MIB2: variants seen among roughly 807,000 people sequenced by gnomAD.
The protein encoded by MIB2 is MIB E3 ubiquitin protein ligase 2.
In MIB2, 78 loss-of-function variants were observed where a neutral mutation model predicts 96.6. The ratio of observed to expected loss-of-function variants is 0.81; its 90% CI spans 0.67 to 0.97. The LOEUF is 0.97. MIB2 is among the 50% of genes least tolerant of loss of function. The pLI, the probability that MIB2 is intolerant of heterozygous loss-of-function variation, is 0.00. For missense variants in MIB2, 1,543 were observed against 1,424.0 expected, an observed-to-expected ratio of 1.08 and a Z score of -1.35; for synonymous variants, 820 against 629.5, an observed-to-expected ratio of 1.30 and a Z score of -4.53.
chr1:1,621,152 C>A (rs980874546), intron 2 of MIB2, among the ~76,000 whole-genome samples: 1 of 152,236 alleles, frequency 6.6e-6, no homozygotes, highest in Non-Finnish European at 1.5e-5. Flanking sequence ...AAACAGGACG[C>A]AGCAGTGCAC....
rs1235175965 is a variant in MIB2 at position 1,629,265 on chromosome 1, G to C, written c.2335G>C (p.Glu779Gln). ...TCGGAGCCCGCTGGACCTGGCCGCCGAGGGTCGCGTGCTCAAGGCCCTTCA... is the reference window on the plus strand; with the variant it reads ...TCGGAGCCCGCTGGACCTGGCCGCCCAGGGTCGCGTGCTCAAGGCCCTTCA... ...RGRSPLDLAAEGRVLKALQGC... is the reference protein window; with the variant it reads ...RGRSPLDLAAQGRVLKALQGC... The change falls in exon 17 of 20, where the codon GAG becomes CAG. Residue 779 changes from glutamate (E) to glutamine (Q), a missense_variant. Coordinates refer to ENST00000355826, the MANE Select transcript of MIB2 (RefSeq NM_001170687.4). 6.5e-7 allele frequency: 1 copy of C among 1,544,764 alleles called. No homozygotes were observed. Among genetic ancestry groups the C allele is most frequent in the Non-Finnish European group, 8.6e-7 (1 of 1,157,176 alleles).
chr1:1,625,830 G>C lies in MIB2; in HGVS notation c.972+177G>C. On this transcript the variant is annotated intron_variant, in intron 8 of 19. Coordinates refer to ENST00000355826, the MANE Select transcript of MIB2 (RefSeq NM_001170687.4). This position sits in a 1 kb window ranked among gnomAD's most constrained non-coding sequence, Gnocchi z 5.0. Reference sequence around the variant, plus strand: ...GTGGGTGGGGTCAAGGAGAAGAGGGGGTTGGGTGTGAAGGAACCCAGAGGA... The same window carrying C: ...GTGGGTGGGGTCAAGGAGAAGAGGGCGTTGGGTGTGAAGGAACCCAGAGGA... 1.6e-6 allele frequency: 1 copy of C among 607,796 alleles called. No individual in the cohort carries two copies. The highest frequency in any genetic ancestry group is 1.8e-5 in the African/African-American group (1 of 54,104). 37.7% of individuals were successfully genotyped at this position (607,796 alleles called of 1,614,324 possible). A position where few individuals can be genotyped will look rare whatever the true frequency, so the allele number is the denominator to read the frequency against.
rs372609864 is a variant in MIB2 at position 1,625,106 on chromosome 1, C to A, written c.642C>A (p.Gly214=). 6 of 1,613,386 alleles carry A rather than the reference C, an allele frequency of 3.7e-6. No homozygotes were observed. The African/African-American group carries it at 4.0e-5, about 11-fold the overall frequency. The change falls in exon 6 of 20, where the codon GGC becomes GGA. Residue 214 remains glycine (G), a synonymous_variant. Transcript: ENST00000355826. The surrounding 1 kb of genome is among the most constrained non-coding windows in gnomAD (Gnocchi z 5.0). ...GTACCACCAATGTGTACCGTGTGGGCCACAAGGGCAAGGTGGACCTCAAGT... is the reference window on the plus strand; with the variant it reads ...GTACCACCAATGTGTACCGTGTGGGACACAAGGGCAAGGTGGACCTCAAGT... The part of the protein sequence containing the change: ...ADGTTNVYRV[G]HKGKVDLKCV...
chr1:1,617,629 A>G (rs1389864634), intron 2 of MIB2: 1 of 152,210 alleles, frequency 6.6e-6, no homozygotes, highest in Non-Finnish European at 1.5e-5. Context: ...TTCCAACAGG[A>G]AAGCCTGGTA....
In MIB2 at chr1:1,618,415, T is replaced by C. The variant is rs188201282; in HGVS notation, c.-23+1801T>C. On this transcript the variant is annotated intron_variant, in intron 2 of 19. Coordinates refer to ENST00000355826, the MANE Select transcript of MIB2 (RefSeq NM_001170687.4). ...TGAGGGGCCCTTGGGGGAACATCTG[T>C]CCTAGAGGGCTTGATTTCCAGGCTG... The C allele has an allele frequency of 3.6e-3, 555 of 152,964 alleles. 8 individuals carry two copies. The South Asian group carries it at 0.048, about 13-fold the overall frequency. 9.5% of individuals were successfully genotyped at this position (152,964 alleles called of 1,614,324 possible). A position where few individuals can be genotyped will look rare whatever the true frequency, so the allele number is the denominator to read the frequency against.
intron 2 of MIB2, chr1:1,618,247 G>A (rs1643925184): frequency 1.3e-5 from 2 of 152,326 alleles, no homozygotes; most frequent in Non-Finnish European, 2.9e-5. Context: ...GGTGATCAGG[G>A]TGATCAGGTC....
intron 2 of MIB2, among the ~76,000 whole-genome samples, chr1:1,621,621 C>T (rs1243709263): frequency 5.9e-5 from 9 of 152,372 alleles, no homozygotes; most frequent in African/African-American, 1.9e-4. Context: ...GGTGGGGGCT[C>T]CTCTTAGTCA....
chr1:1,626,140 C>G lies in MIB2; in HGVS notation c.972+487C>G, dbSNP rs532439941. ...TGGATGGCCCTGGGAGGGGCAGGCC[C>G]GGGGCAAAGCGTCAGAGCTCAGCTC... On this transcript the variant is annotated intron_variant, in intron 8 of 19. Transcript: ENST00000355826. This position sits in a 1 kb window ranked among gnomAD's most constrained non-coding sequence, Gnocchi z 5.3. 1.6e-4 allele frequency: 32 copies of G among 195,360 alleles called. No individual in the cohort carries two copies. The highest frequency in any genetic ancestry group is 3.0e-4 in the Non-Finnish European group (29 of 95,584). The allele number at this position is 195,360 out of a possible 1,614,324, so 12.1% of individuals were successfully genotyped here.
rs778327862 is a variant in MIB2 at position 1,623,537 on chromosome 1, G to A, written c.85G>A (p.Gly29Ser). 3 of 1,538,252 alleles carry A rather than the reference G, an allele frequency of 2.0e-6. No individual in the cohort carries two copies. Among genetic ancestry groups the A allele is most frequent in the South Asian group, 1.2e-5 (1 of 81,476 alleles). ...VDWKWGQQDGGEGGVGTVVEL... is the reference protein window; with the variant it reads ...VDWKWGQQDGSEGGVGTVVEL... ...CTGGAAGTGGGGCCAGCAGGACGGC[G>A]GCGAGGGCGGCGTGGGCACGGTGGT... is the stretch of plus-strand genomic sequence containing the variant. The change falls in exon 3 of 20, where the codon GGC (glycine) becomes AGC (serine). Residue 29 changes from glycine (G) to serine (S), a missense_variant. Physicochemically the swap from Gly to Ser is moderately conservative, Grantham distance 56. Coordinates refer to ENST00000355826, the MANE Select transcript of MIB2 (RefSeq NM_001170687.4).
chr1:1,625,184 C>A lies in MIB2; in HGVS notation c.720C>A (p.Leu240=), dbSNP rs374674829. The part of the protein sequence containing the change: ...GFYYKDHLPR[L]GKPAELQRRV... ...ACTACAAGGACCACCTCCCAAGGCTCGGTATGAGGCTGTCACACTGACTCC... is the reference window on the plus strand; with the variant it reads ...ACTACAAGGACCACCTCCCAAGGCTAGGTATGAGGCTGTCACACTGACTCC... Residue 240 remains leucine, a splice_region_variant and synonymous_variant, in exon 6 of 20, where the codon CTC becomes CTA. Coordinates refer to ENST00000355826, the MANE Select transcript of MIB2 (RefSeq NM_001170687.4). This position sits in a 1 kb window ranked among gnomAD's most constrained non-coding sequence, Gnocchi z 5.0. 1.9e-6 allele frequency: 3 copies of A among 1,606,902 alleles called. No homozygotes were observed. Among genetic ancestry groups the A allele is most frequent in the Non-Finnish European group, 1.7e-6 (2 of 1,176,030 alleles).
chr1:1,625,479 G>A lies in MIB2; in HGVS notation c.864+51G>A, dbSNP rs377728598. 3.0e-5 allele frequency: 22 copies of A among 742,124 alleles called. No homozygotes were observed. The highest frequency in any genetic ancestry group is 1.0e-4 in the South Asian group (7 of 69,454). The allele number at this position is 742,124 out of a possible 1,614,324, so 46.0% of individuals were successfully genotyped here. On this transcript the variant is annotated intron_variant, in intron 7 of 19. Transcript: ENST00000355826. The surrounding 1 kb of genome is among the most constrained non-coding windows in gnomAD (Gnocchi z 5.0). Reference sequence around the variant, plus strand: ...GTGTGCCCTGCCCTCCCAGCCCTCCGCCCCCTCAGCCCCTTCCTCCCCAAG... The same window carrying A: ...GTGTGCCCTGCCCTCCCAGCCCTCCACCCCCTCAGCCCCTTCCTCCCCAAG...
intron 2 of MIB2, among the ~76,000 whole-genome samples, chr1:1,619,414 A>T (rs558987000): frequency 2.4e-4 from 37 of 152,336 alleles, no homozygotes; most frequent in African/African-American, 8.9e-4. Context: ...AGGGTCCAGG[A>T]TACTGAGCTC....
At chr1:1,617,489 C>G (rs1643866553) in intron 2 of MIB2, 1 of 152,124 alleles carries the variant, frequency 6.6e-6, no homozygotes, top group Non-Finnish European at 1.5e-5. Flanking sequence ...TAGAACAGAC[C>G]CGGTGTCTGC....
intron 4 of MIB2, among the ~76,000 whole-genome samples, chr1:1,624,381 G>T (rs2100455553): frequency 6.6e-6 from 1 of 152,296 alleles, no homozygotes; most frequent in African/African-American, 2.4e-5. Context: ...GTTGTCTTGG[G>T]AGTGCTGTTG....
rs1442494554 is a variant in MIB2, at chr1:1,627,714, G to A, written c.1565G>A (p.Cys522Tyr). 3 of 1,595,324 alleles carry A rather than the reference G, an allele frequency of 1.9e-6. No homozygotes were observed. The highest frequency in any genetic ancestry group is 2.2e-5 in the South Asian group (2 of 90,412). Residue 522 changes from cysteine to tyrosine, a missense_variant, in exon 13 of 20, where the codon TGC (cysteine) becomes TAC (tyrosine). Physicochemically the swap from Cys to Tyr is radical, Grantham distance 194. Coordinates refer to ENST00000355826, the MANE Select transcript of MIB2 (RefSeq NM_001170687.4). Reference protein sequence around the residue: ...EATRVLLSAGCRADAINSTQS... With the variant: ...EATRVLLSAGYRADAINSTQS... ...ACCAGGGTGCTCCTGAGTGCTGGGT[G>A]CCGGGCGGACGCCATCAACAGCACC...
In MIB2 at chr1:1,629,700, C is replaced by T; in HGVS notation, c.2625C>T (p.Arg875=). 1 of 1,595,040 alleles carries T rather than the reference C, an allele frequency of 6.3e-7. No homozygotes were observed. The highest frequency in any genetic ancestry group is 8.5e-7 in the Non-Finnish European group (1 of 1,171,126). ...RCQVVVSKKL[R]PDGSEVASAA... is the part of the protein sequence containing the mutation. ...AGGTGGTCGTCAGCAAGAAACTGCG[C>T]CCAGGTGGGTGAGGCTCTGCGCCCC... The change falls in exon 19 of 20, where the codon CGC becomes CGT. Residue 875 remains arginine (R), a synonymous_variant. Transcript: ENST00000355826.
Position 1,625,012 on chromosome 1 carries a change from G to A in MIB2, c.548G>A (p.Arg183His), listed in dbSNP as rs748520325. 3.7e-5 allele frequency: 59 copies of A among 1,612,490 alleles called. 1 individual carries two copies. Among genetic ancestry groups the A allele is most frequent in the South Asian group, 3.5e-4 (32 of 91,046 alleles). Residue 183 changes from arginine (R) to histidine (H), a missense_variant, in exon 6 of 20, where the codon CGT becomes CAT. Physicochemically the swap from Arg to His is conservative, Grantham distance 29 (BLOSUM62 0). Transcript: ENST00000355826. The surrounding 1 kb of genome is among the most constrained non-coding windows in gnomAD (Gnocchi z 5.0). Reference sequence around the variant, plus strand: ...CCAGGAGGGGAAGGGAAACCGGGCCGTGTGGTGGACATCCGTGGCTGGGAT... The same window carrying A: ...CCAGGAGGGGAAGGGAAACCGGGCCATGTGGTGGACATCCGTGGCTGGGAT... The part of the protein sequence containing the change: ...SQDGGEGKPG[R>H]VVDIRGWDVE...
Position 1,628,884 on chromosome 1 carries a change from C to T in MIB2, c.2202+162C>T, listed in dbSNP as rs1645080143. ...GGGAGCCAAGTTCTATGTGATCCTT[C>T]AGCCTGCACCCCTAGGCAGCCTGGG... On this transcript the variant is annotated intron_variant, in intron 16 of 19. Transcript: ENST00000355826. The T allele has an allele frequency of 9.5e-6, 7 of 739,182 alleles. No homozygotes were observed. In the South Asian group the frequency reaches 9.5e-5, roughly 10 times the overall value. The allele number at this position is 739,182 out of a possible 1,614,324, so 45.8% of individuals were successfully genotyped here. A position where few individuals can be genotyped will look rare whatever the true frequency, so the allele number is the denominator to read the frequency against.
chr1:1,628,322 A>G lies in MIB2; in HGVS notation c.1891A>G (p.Lys631Glu), dbSNP rs142836393. 629 of 1,612,846 alleles carry G rather than the reference A, an allele frequency of 3.9e-4. 6 individuals are homozygous for G. The East Asian group carries it at 9.4e-3, about 24-fold the overall frequency. Residue 631 changes from lysine to glutamate, a missense_variant, in exon 15 of 20, where the codon AAG becomes GAG. Transcript: ENST00000355826. Reference protein sequence around the residue: ...ARARQLVDAKKEDGFTALHLA... With the variant: ...ARARQLVDAKEEDGFTALHLA... ...GGCGCGGCAGCTGGTGGACGCCAAG[A>G]AGGAGGACGGCTTCACGGCGCTGCA...
Sources: gnomAD v4.1 joint callset for allele counts (sites outside exome capture counted in the v4.1 genomes callset) on GRCh38, gnomAD v4.1.1 for gene constraint, Gnocchi (gnomAD v3.1) non-coding constraint, MANE v1.5 for transcripts, NCBI Gene and HGNC (gene_info 2026-07-23, HGNC 2026-07-21) for gene names.